SHC4: variants seen among roughly 807,000 people sequenced by gnomAD.
SHC4 encodes the protein SHC-transforming protein 4.
Under a neutral mutation model 69.4 loss-of-function variants are expected in SHC4, and 41 were observed. The ratio of observed to expected loss-of-function variants is 0.59; its 90% CI spans 0.46 to 0.77. SHC4 has a LOEUF of 0.77. Ranked by LOEUF, SHC4 falls within the 30% of genes least tolerant of loss-of-function variation. SHC4 has a pLI of 0.00. For missense variants in SHC4, 777 were observed against 783.8 expected (o/e 0.99, Z 0.10); for synonymous variants, 318 against 299.3 (o/e 1.06, Z -0.64).
chr15:48,887,046 T>C (rs1304479305), intron 3 of SHC4, among the ~76,000 whole-genome samples: 1 of 152,232 alleles, frequency 6.6e-6, no homozygotes, highest in South Asian at 2.1e-4. Flanking sequence ...TTCTACTCTA[T>C]GTCGCATAGT....
chr15:48,950,886 C>A (rs551147186), intron 1 of SHC4, among the ~76,000 whole-genome samples: 1 of 152,070 alleles, frequency 6.6e-6, no homozygotes, highest in South Asian at 2.1e-4. Flanking sequence ...CCCTGCGGTT[C>A]TTTCTCAGTT....
chr15:48,915,107 A>G (rs1350877003), intron 2 of SHC4, among the ~76,000 whole-genome samples: 1 of 152,214 alleles, frequency 6.6e-6, no homozygotes, highest in Non-Finnish European at 1.5e-5. Context: ...CATATTATGG[A>G]TATTAATCCC....
chr15:48,945,814 T>C (rs1038638868), intron 1 of SHC4: 1 of 152,204 alleles, frequency 6.6e-6, no homozygotes, highest in African/African-American at 2.4e-5. Context: ...TTCGTGACTA[T>C]ATGAAAAACA....
intron 2 of SHC4, among the ~76,000 whole-genome samples, chr15:48,906,754 G>A (rs929599556): frequency 2.0e-5 from 3 of 152,186 alleles, no homozygotes; most frequent in Admixed American, 2.0e-4. Context: ...TCCATGAGCT[G>A]CCCCAATATC....
At chr15:48,836,023 CAAAAAAAAAAAAA>C (rs57343981) in intron 10 of SHC4, among the ~76,000 whole-genome samples, 1 of 60,140 alleles carries the variant, frequency 1.7e-5, no homozygotes, top group African/African-American at 7.3e-5. Flanking sequence ...ACAAAAAATC[CAAAAAAAAAAAAA>C]AAAAAAAAAA....
At chr15:48,848,175 C>A (rs1459001454) in intron 9 of SHC4, among the ~76,000 whole-genome samples, 1 of 152,082 alleles carries the variant, frequency 6.6e-6, no homozygotes, top group Non-Finnish European at 1.5e-5. Context: ...TTGTCATGGC[C>A]ACTGGGACAT....
At chr15:48,856,255 T>G in intron 7 of SHC4, 131 bp from the exon 8 acceptor site, 1 of 811,400 alleles carries the variant, frequency 1.2e-6, no homozygotes, top group Non-Finnish European at 1.9e-6. Flanking sequence ...TAGCTGTGCT[T>G]AAGTGATGTT....
chr15:48,891,363 G>A (rs1567062746), intron 2 of SHC4, among the ~76,000 whole-genome samples: 1 of 152,180 alleles, frequency 6.6e-6, no homozygotes, highest in Non-Finnish European at 1.5e-5. Context: ...TAATTTCACA[G>A]AAGAAAAGAA....
chr15:48,949,198 C>T (rs929585599), intron 1 of SHC4, among the ~76,000 whole-genome samples: 3 of 151,764 alleles, frequency 2.0e-5, no homozygotes, highest in Admixed American at 1.3e-4. Flanking sequence ...GGTGAAACTC[C>T]GTCTCTACTA....
Position 48,834,865 on chromosome 15 carries a change from C to T in SHC4, c.1641G>A (p.Leu547=), listed in dbSNP as rs1246766261. ...CAGGGGATGTTGCACTCTCTCGAAC[C>T]AAAAAGTCCCCATCCTTTACCAAGA... ...ESLLVKDGDF[L]VRESATSPGQ... is the part of the protein sequence containing the mutation. Residue 547 remains leucine, a synonymous_variant, in exon 11 of 12, where the codon TTG becomes TTA. Coordinates refer to ENST00000332408, the MANE Select transcript of SHC4 (RefSeq NM_203349.4). The T allele has an allele frequency of 1.9e-6, 3 of 1,614,146 alleles. No individual in the cohort carries two copies. Among genetic ancestry groups the T allele is most frequent in the Non-Finnish European group, 1.7e-6 (2 of 1,180,022 alleles).
chr15:48,918,520 G>A (rs1900674785), intron 2 of SHC4, among the ~76,000 whole-genome samples: 1 of 152,152 alleles, frequency 6.6e-6, no homozygotes, highest in South Asian at 2.1e-4. Context: ...TTTTGTTACC[G>A]ATTGTCTTAG....
intron 11 of SHC4, among the ~76,000 whole-genome samples, chr15:48,827,801 T>C (rs564619162): frequency 2.0e-4 from 31 of 152,158 alleles, no homozygotes; most frequent in Non-Finnish European, 3.7e-4. Flanking sequence ...AGAGTTCCTA[T>C]AAAACTCTGG....
chr15:48,829,610 G>A (rs1441764606), intron 11 of SHC4, among the ~76,000 whole-genome samples: 3 of 152,090 alleles, frequency 2.0e-5, no homozygotes, highest in Non-Finnish European at 2.9e-5. Flanking sequence ...TTCAACCTAC[G>A]TGTGTCCTTA....
At chr15:48,851,035 G>T (rs17467239) in intron 9 of SHC4, among the ~76,000 whole-genome samples, 153 bp downstream of exon 9, 54,284 of 152,024 alleles carry the variant, frequency 0.36, 10,994 homozygotes, top group Middle Eastern at 0.53. Context: ...GCAACATTCT[G>T]GGCCTATCTG....
Position 48,909,856 on chromosome 15 carries a change from T to A in SHC4, c.656+15023A>T, listed in dbSNP as rs147602236. The stretch of plus-strand genomic sequence containing the variant: ...AATTTTATTTGTGTGGTGTATCACA[T>A]TTATTGACTTGTGTATGTTAAACTA... On this transcript the variant is annotated intron_variant, in intron 2 of 11. Transcript: ENST00000332408. Among the ~76,000 whole-genome samples, 554 of 152,328 alleles carry A rather than the reference T, an allele frequency of 3.6e-3. 5 individuals are homozygous for A. Among genetic ancestry groups the A allele is most frequent in the African/African-American group, 0.013 (537 of 41,576 alleles).
At chr15:48,902,662 T>A (rs1263453589) in intron 2 of SHC4, among the ~76,000 whole-genome samples, 1 of 152,086 alleles carries the variant, frequency 6.6e-6, no homozygotes, top group Non-Finnish European at 1.5e-5. Context: ...GCAGCAGGCA[T>A]CCAACGACCT....
At chr15:48,952,507 T>G (rs1398022297) in intron 1 of SHC4, among the ~76,000 whole-genome samples, 1 of 152,142 alleles carries the variant, frequency 6.6e-6, no homozygotes, top group Non-Finnish European at 1.5e-5. Flanking sequence ...ACCTACAGAA[T>G]GGGAGAAAAG....
chr15:48,856,890 C>G (rs925850947), intron 7 of SHC4, among the ~76,000 whole-genome samples: 2 of 151,802 alleles, frequency 1.3e-5, no homozygotes, highest in African/African-American at 4.8e-5. Context: ...AGCACTAAGA[C>G]AGAAGTGCTA....
chr15:48,829,139 C>T (rs1351093884), intron 11 of SHC4, among the ~76,000 whole-genome samples: 1 of 152,154 alleles, frequency 6.6e-6, no homozygotes, highest in Non-Finnish European at 1.5e-5. Context: ...TTTGTCAAGA[C>T]TTGTCTTGTT....
Sources: allele counts gnomAD v4.1 joint callset (sites outside exome capture counted in the v4.1 genomes callset), GRCh38; gene constraint gnomAD v4.1.1; transcripts MANE v1.5; gene names NCBI Gene and HGNC (gene_info 2026-07-23, HGNC 2026-07-21).